Variants in COL4A1 observed in about 807,000 individuals in gnomAD.
The protein encoded by COL4A1 is collagen type IV alpha 1 chain.
COL4A1 carries 40 observed loss-of-function variants against 216.6 expected under a neutral mutation model. The ratio of observed to expected loss-of-function variants is 0.18; its 90% CI spans 0.14 to 0.24. The LOEUF is 0.24. Ranked by LOEUF, COL4A1 falls within the 10% of genes least tolerant of loss-of-function variation. COL4A1 has a pLI of 1.00. For missense variants in COL4A1, 1,628 were observed against 2,196.8 expected (o/e 0.74, Z 5.18); for synonymous variants, 839 against 810.7 (o/e 1.03, Z -0.59).
intron 2 of COL4A1, among the ~76,000 whole-genome samples, chr13:110,215,430 G>A (rs896744165): frequency 1.4e-4 from 21 of 152,080 alleles, no homozygotes; most frequent in Admixed American, 6.5e-4. Context: ...GTGTAGTGGT[G>A]CACGCCTGTA....
intron 2 of COL4A1, among the ~76,000 whole-genome samples, chr13:110,221,657 C>A (rs537282932): frequency 6.6e-6 from 1 of 152,306 alleles, no homozygotes; most frequent in South Asian, 2.1e-4. Flanking sequence ...CTGTGAGCAG[C>A]AGCAAAGGTC....
intron 2 of COL4A1, among the ~76,000 whole-genome samples, chr13:110,228,563 A>T (rs143136379): frequency 1.3e-5 from 2 of 152,294 alleles, no homozygotes; most frequent in East Asian, 1.9e-4. Flanking sequence ...AAACACAGGG[A>T]AGACACACAT....
intron 17 of COL4A1, 23 bp downstream of exon 17, chr13:110,205,330 C>T (rs759811117): frequency 1.1e-5 from 18 of 1,613,820 alleles, no homozygotes; most frequent in South Asian, 4.4e-5. Flanking sequence ...AAGATAAAGG[C>T]TCACAATAGT....
intron 2 of COL4A1, among the ~76,000 whole-genome samples, chr13:110,229,077 C>T (rs1408771567): frequency 6.6e-6 from 1 of 151,378 alleles, no homozygotes; most frequent in Non-Finnish European, 1.5e-5. Context: ...TGGCTCAATA[C>T]TGCAGAGTCA....
At chr13:110,159,934 G>T (rs1374789278) in intron 49 of COL4A1, among the ~76,000 whole-genome samples, 2 of 151,046 alleles carry the variant, frequency 1.3e-5, no homozygotes, top group East Asian at 1.9e-4. Flanking sequence ...AGAATGGGGG[G>T]TCACCAGAGG....
intron 1 of COL4A1, among the ~76,000 whole-genome samples, chr13:110,252,702 GTA>G (rs1164632935): frequency 7.2e-6 from 1 of 138,948 alleles, no homozygotes; most frequent in Non-Finnish European, 1.5e-5. Context: ...ATAATTATAT[GTA>G]TATATGTATT....
intron 8 of COL4A1, among the ~76,000 whole-genome samples, 168 bp from the exon 9 acceptor site, chr13:110,210,380 T>C (rs1879734702): frequency 6.6e-6 from 1 of 152,128 alleles, no homozygotes; most frequent in Admixed American, 6.5e-5. Context: ...TCTCCCATCA[T>C]GATTGCCGTC....
chr13:110,201,225 T>G (rs1196286645), intron 19 of COL4A1, among the ~76,000 whole-genome samples: 3 of 101,750 alleles, frequency 2.9e-5, no homozygotes, highest in South Asian at 3.1e-4. Context: ...ATAGAAAGCG[T>G]GGGGAGAGAG....
chr13:110,206,012 T>C (rs1879497723), intron 15 of COL4A1, among the ~76,000 whole-genome samples: 1 of 151,898 alleles, frequency 6.6e-6, no homozygotes. Context: ...TAAGTAATAT[T>C]GTATATGATG....
chr13:110,241,060 G>C (rs1205918366), intron 2 of COL4A1, among the ~76,000 whole-genome samples: 1 of 152,162 alleles, frequency 6.6e-6, no homozygotes, highest in East Asian at 1.9e-4. Flanking sequence ...AGTAGAGACT[G>C]AGTTTCACCG....
chr13:110,280,813 A>T (rs1413936697), intron 1 of COL4A1, among the ~76,000 whole-genome samples: 1 of 152,064 alleles, frequency 6.6e-6, no homozygotes, highest in Non-Finnish European at 1.5e-5. Context: ...CAAGACCTAG[A>T]GCCTTTCTTA....
At chr13:110,213,278 C>CA (rs901603655) in intron 4 of COL4A1, among the ~76,000 whole-genome samples, 16 of 150,442 alleles carry the variant, frequency 1.1e-4, no homozygotes, top group Admixed American at 6.0e-4. Context: ...TAAAAAAAAA[C>CA]AAAAAAATAA....
chr13:110,229,689 C>A (rs573797674), intron 2 of COL4A1, among the ~76,000 whole-genome samples: 1 of 152,174 alleles, frequency 6.6e-6, no homozygotes, highest in Non-Finnish European at 1.5e-5. Flanking sequence ...CCTCGCGCTG[C>A]CTATGAAGAA....
intron 50 of COL4A1, among the ~76,000 whole-genome samples, chr13:110,154,851 G>A (rs112963935): frequency 0.021 from 3,201 of 152,002 alleles, 45 homozygotes; most frequent in Non-Finnish European, 0.033. Context: ...TGGTCATACA[G>A]AGAAGCTAGT....
intron 43 of COL4A1, among the ~76,000 whole-genome samples, chr13:110,168,302 AC>A (rs1355295631): frequency 6.6e-6 from 1 of 152,238 alleles, no homozygotes; most frequent in Non-Finnish European, 1.5e-5. Flanking sequence ...GGCGTGAGCT[AC>A]CAGGCCCAGC....
intron 1 of COL4A1, among the ~76,000 whole-genome samples, chr13:110,289,429 C>T (rs1275450940): frequency 6.6e-6 from 1 of 152,138 alleles, no homozygotes; most frequent in Non-Finnish European, 1.5e-5. Context: ...AGGCCCTGCG[C>T]ACCCACCCTG....
At position 110,158,739 on chromosome 13, in the gene COL4A1, C is replaced by CTTTTT. The variant is rs556230875; in HGVS notation, c.4640+2448_4640+2452dup. ...TTTCTGAATATTTCTAAGAAATAAA[C>CTTTTT]TTTTTTTTTTTTTTTTTTTTGAGAC... On this transcript the variant is annotated intron_variant, in intron 49 of 51. Coordinates refer to ENST00000375820, the MANE Select transcript of COL4A1 (RefSeq NM_001845.6). Among the ~76,000 whole-genome samples the CTTTTT allele has an allele frequency of 2.3e-3, 239 of 105,784 alleles. 2 individuals are homozygous for CTTTTT. Among genetic ancestry groups the CTTTTT allele is most frequent in the African/African-American group, 4.5e-3 (123 of 27,558 alleles). 69.4% of individuals were successfully genotyped at this position (105,784 alleles called of 152,430 possible). A position where few individuals can be genotyped will look rare whatever the true frequency, so the allele number is the denominator to read the frequency against.
intron 13 of COL4A1, 90 bp from the exon 14 acceptor site, chr13:110,206,981 AC>A (rs915904665): frequency 6.4e-6 from 8 of 1,240,384 alleles, no homozygotes; most frequent in East Asian, 2.3e-5. Flanking sequence ...AAAAAAAAAA[AC>A]CTTTTTCTGA....
At chr13:110,304,074 G>C (rs1884596419) in intron 1 of COL4A1, among the ~76,000 whole-genome samples, 1 of 152,148 alleles carries the variant, frequency 6.6e-6, no homozygotes. Context: ...TGTGAATCTA[G>C]TCAGAGTACA....
Sources: gnomAD v4.1 joint callset for allele counts (sites outside exome capture counted in the v4.1 genomes callset) on GRCh38, gnomAD v4.1.1 for gene constraint, MANE v1.5 for transcripts, NCBI Gene and HGNC (gene_info 2026-07-23, HGNC 2026-07-21) for gene names.